Variants in NELL1 observed in about 807,000 individuals in gnomAD.
NELL1 encodes the protein neural EGFL like 1.
Under a neutral mutation model 107.4 loss-of-function variants are expected in NELL1, and 76 were observed. That is an observed-to-expected ratio of 0.71 (90% CI 0.59 to 0.86). The LOEUF (loss-of-function observed/expected upper bound fraction) is 0.86. Among genes scored for constraint, NELL1 ranks in the 40% least tolerant of loss-of-function variants. The pLI, the probability that NELL1 is intolerant of heterozygous loss-of-function variation, is 0.00. For missense variants in NELL1, 1,024 were observed against 1,005.5 expected (o/e 1.02, Z -0.25); for synonymous variants, 353 against 341.2 (o/e 1.03, Z -0.38).
rs561097275 is a variant in NELL1, at chr11:21,082,752, C to G, written c.1301-30837C>G. 4.6e-5 allele frequency among the ~76,000 whole-genome samples: 7 copies of G among 152,292 alleles called. No homozygotes were observed. In the South Asian group the frequency reaches 1.2e-3, roughly 27 times the overall value. Reference sequence around the variant, plus strand: ...AAACAGTTAATTTTTCCTACACAAGCTCTATATTCTCACTCTGTGTCTTAG... The same window carrying G: ...AAACAGTTAATTTTTCCTACACAAGGTCTATATTCTCACTCTGTGTCTTAG... On this transcript the variant is annotated intron_variant, in intron 12 of 19. Coordinates refer to ENST00000357134, the MANE Select transcript of NELL1 (RefSeq NM_006157.5).
chr11:21,487,000 A>G (rs1012530888), intron 15 of NELL1, among the ~76,000 whole-genome samples: 1 of 152,136 alleles, frequency 6.6e-6, no homozygotes, highest in African/African-American at 2.4e-5. Context: ...TATTGAAATT[A>G]TCAATGTCTC....
chr11:20,785,241 TG>T (rs1387268986), intron 3 of NELL1, among the ~76,000 whole-genome samples: 5 of 152,204 alleles, frequency 3.3e-5, no homozygotes, highest in Non-Finnish European at 7.3e-5. Flanking sequence ...TTGTCTTTAA[TG>T]GTTGTTTGTT....
intron 15 of NELL1, among the ~76,000 whole-genome samples, chr11:21,405,089 T>C (rs546901918): frequency 1.3e-5 from 2 of 152,170 alleles, no homozygotes; most frequent in Non-Finnish European, 2.9e-5. Flanking sequence ...CTTTATGATC[T>C]CTAAGGGCAC....
At chr11:20,899,665 G>C (rs1469995409) in intron 5 of NELL1, among the ~76,000 whole-genome samples, 1 of 151,908 alleles carries the variant, frequency 6.6e-6, no homozygotes, top group Non-Finnish European at 1.5e-5. Flanking sequence ...GGTATAATAG[G>C]CAAGATCAAG....
intron 13 of NELL1, among the ~76,000 whole-genome samples, chr11:21,217,784 C>T (rs1857653191): frequency 6.6e-6 from 1 of 152,106 alleles, no homozygotes; most frequent in Admixed American, 6.5e-5. Context: ...CAGCAGACCC[C>T]CAAACGTGGG....
intron 15 of NELL1, among the ~76,000 whole-genome samples, chr11:21,411,913 C>G (rs997005040): frequency 2.0e-5 from 3 of 151,994 alleles, no homozygotes; most frequent in African/African-American, 7.2e-5. Context: ...TTTGATAGAC[C>G]TTGCTGAATG....
At chr11:21,055,056 T>C (rs1853580842) in intron 12 of NELL1, among the ~76,000 whole-genome samples, 1 of 152,068 alleles carries the variant, frequency 6.6e-6, no homozygotes, top group Admixed American at 6.6e-5. Flanking sequence ...CCTTATGGTG[T>C]GAGGTAGGTG....
intron 12 of NELL1, 138 bp from the exon 13 acceptor site, chr11:21,113,450 TA>T: frequency 2.5e-6 from 2 of 816,164 alleles, no homozygotes; most frequent in Non-Finnish European, 3.7e-6. Context: ...AATTTTCACC[TA>T]AGCTTTTGTG....
At chr11:21,258,777 T>C (rs1251904187) in intron 14 of NELL1, among the ~76,000 whole-genome samples, 1 of 152,018 alleles carries the variant, frequency 6.6e-6, no homozygotes, top group Non-Finnish European at 1.5e-5. Context: ...AAATTAACCA[T>C]CATACTTACA....
chr11:21,163,828 C>A (rs1856424410), intron 13 of NELL1, among the ~76,000 whole-genome samples: 1 of 151,872 alleles, frequency 6.6e-6, no homozygotes, highest in Non-Finnish European at 1.5e-5. Flanking sequence ...CTCATCTAAA[C>A]CTAGTTGTCT....
intron 2 of NELL1, among the ~76,000 whole-genome samples, chr11:20,765,142 A>G (rs531466521): frequency 6.7e-6 from 1 of 149,782 alleles, no homozygotes; most frequent in Non-Finnish European, 1.5e-5. Flanking sequence ...TGGGTGACAG[A>G]GCAAGACCCT....
chr11:20,943,295 A>C (rs1336492803), intron 10 of NELL1, among the ~76,000 whole-genome samples: 1 of 152,170 alleles, frequency 6.6e-6, no homozygotes, highest in Non-Finnish European at 1.5e-5. Context: ...CACAATTTAA[A>C]GCATCTAAAA....
chr11:21,468,670 G>A (rs1279506918), intron 15 of NELL1, among the ~76,000 whole-genome samples: 3 of 152,066 alleles, frequency 2.0e-5, no homozygotes, highest in African/African-American at 7.2e-5. Context: ...TACCTAAAGG[G>A]ATCAAGATTG....
At chr11:21,294,930 CAA>C (rs1491573493) in intron 14 of NELL1, among the ~76,000 whole-genome samples, 2 of 152,018 alleles carry the variant, frequency 1.3e-5, no homozygotes, top group Non-Finnish European at 1.5e-5. Flanking sequence ...CCCAAGAAGG[CAA>C]AGTCAGTTGC....
At chr11:21,232,595 C>T (rs1312559379) in intron 14 of NELL1, among the ~76,000 whole-genome samples, 1 of 152,168 alleles carries the variant, frequency 6.6e-6, no homozygotes. Flanking sequence ...GTAACTGAAA[C>T]ATTTACAGTG....
At chr11:21,276,148 A>G (rs1047742566) in intron 14 of NELL1, among the ~76,000 whole-genome samples, 1 of 152,172 alleles carries the variant, frequency 6.6e-6, no homozygotes, top group Admixed American at 6.5e-5. Context: ...ATATTTAGAA[A>G]ACCCCATCGT....
intron 13 of NELL1, among the ~76,000 whole-genome samples, chr11:21,204,508 C>A (rs532012960): frequency 3.5e-4 from 53 of 151,838 alleles, no homozygotes; most frequent in African/African-American, 1.2e-3. Flanking sequence ...TTAGCAATTC[C>A]TCTAACCTTT....
At chr11:21,056,397 C>G (rs555064206) in intron 12 of NELL1, among the ~76,000 whole-genome samples, 1 of 152,106 alleles carries the variant, frequency 6.6e-6, no homozygotes, top group Non-Finnish European at 1.5e-5. Flanking sequence ...AAGACTTCCC[C>G]TCAGAAGTGA....
At chr11:20,935,122 A>G (rs1429732534) in intron 9 of NELL1, among the ~76,000 whole-genome samples, 1 of 152,170 alleles carries the variant, frequency 6.6e-6, no homozygotes, top group Non-Finnish European at 1.5e-5. Flanking sequence ...TGGGCTGGAG[A>G]TAAAATTATA....
Sources: allele counts gnomAD v4.1 joint callset (sites outside exome capture counted in the v4.1 genomes callset), GRCh38; gene constraint gnomAD v4.1.1; transcripts MANE v1.5; gene names NCBI Gene and HGNC (gene_info 2026-07-23, HGNC 2026-07-21).